Variants in SPATA13 observed in about 807,000 individuals in gnomAD.
SPATA13 encodes the protein spermatogenesis associated 13.
In SPATA13, 50 loss-of-function variants were observed where a neutral mutation model predicts 104.0. That is an observed-to-expected ratio of 0.48 (90% CI 0.38 to 0.61). The LOEUF (loss-of-function observed/expected upper bound fraction) is 0.61, where lower values mean the gene tolerates loss of function less well. Among genes scored for constraint, SPATA13 ranks in the 20% least tolerant of loss-of-function variants. The probability of loss-of-function intolerance (pLI) is 0.00; values close to 1 mark genes in which losing one functional copy is unlikely to be tolerated. For missense variants in SPATA13, 1,524 were observed against 1,690.6 expected (o/e 0.90, Z 1.73); for synonymous variants, 606 against 667.5 (o/e 0.91, Z 1.42).
rs180909605 is a variant in SPATA13, at chr13:24,161,805, C to G, written c.-112+873C>G. On this transcript the variant is annotated intron_variant, in intron 1 of 12. Coordinates refer to ENST00000382108, the MANE Select transcript of SPATA13 (RefSeq NM_001166271.3). The surrounding 1 kb of genome is among the most constrained non-coding windows in gnomAD (Gnocchi z 4.5). ...TGTGAATTTATTCAGCTCTTGTTCC[C>G]ATGGCTTCCCATAGCCTTATATTAT... Among the ~76,000 whole-genome samples, 100 of 152,332 alleles carry G rather than the reference C, an allele frequency of 6.6e-4. No homozygotes were observed. Among genetic ancestry groups the G allele is most frequent in the African/African-American group, 2.4e-3 (99 of 41,570 alleles).
chr13:24,121,778 C>T (rs1881037453), intron 3 of SPATA13, among the ~76,000 whole-genome samples: 1 of 152,162 alleles, frequency 6.6e-6, no homozygotes, highest in Admixed American at 6.5e-5. Flanking sequence ...TTTCAGATTT[C>T]CACAGTGTCA....
chr13:24,026,985 CA>C (rs1877250098), intron 3 of SPATA13, among the ~76,000 whole-genome samples: 1 of 151,996 alleles, frequency 6.6e-6, no homozygotes, highest in African/African-American at 2.4e-5. Flanking sequence ...CTTTATAAGT[CA>C]ATTTTCTATT....
chr13:24,196,653 TG>T (rs1870073718), intron 1 of SPATA13, among the ~76,000 whole-genome samples: 1 of 152,190 alleles, frequency 6.6e-6, no homozygotes, highest in Non-Finnish European at 1.5e-5. Context: ...GGAGGATCAC[TG>T]GAGCCCAAAA....
At chr13:24,004,524 G>A (rs1445949418) in intron 2 of SPATA13, among the ~76,000 whole-genome samples, 3 of 152,116 alleles carry the variant, frequency 2.0e-5, no homozygotes, top group Admixed American at 6.5e-5. Context: ...GGGCGCAGAC[G>A]GGACTCAGGG....
At chr13:24,007,396 G>A (rs1443230685) in intron 2 of SPATA13, among the ~76,000 whole-genome samples, 1 of 152,152 alleles carries the variant, frequency 6.6e-6, no homozygotes, top group African/African-American at 2.4e-5. Flanking sequence ...TGACTGCTGG[G>A]TTCAAAATCC....
At chr13:24,110,674 AC>A (rs1336271949) in intron 3 of SPATA13, among the ~76,000 whole-genome samples, 5 of 152,224 alleles carry the variant, frequency 3.3e-5, no homozygotes, top group Non-Finnish European at 7.3e-5. Context: ...CAGAAAGGAA[AC>A]AAACATGCCC....
At chr13:24,058,717 A>G (rs565625913) in intron 3 of SPATA13, among the ~76,000 whole-genome samples, 23 of 151,978 alleles carry the variant, frequency 1.5e-4, no homozygotes, top group East Asian at 3.9e-4. Context: ...ATCGCTAACT[A>G]TTGGAGGCAT....
intron 3 of SPATA13, among the ~76,000 whole-genome samples, chr13:24,072,614 TGATTTCATTGAATCTGCCTTCTG>T (rs1879202958): frequency 6.6e-6 from 1 of 152,158 alleles, no homozygotes; most frequent in South Asian, 2.1e-4. Context: ...TCCATTCCCA[TGATTTCATTGAATCTGCCTTCTG>T]GATTTCATTG....
intron 3 of SPATA13, among the ~76,000 whole-genome samples, chr13:24,113,686 A>G (rs1405613459): frequency 2.0e-5 from 3 of 151,938 alleles, no homozygotes; most frequent in Non-Finnish European, 2.9e-5. Context: ...CCTGGCCAAC[A>G]TGGTGAAACC....
rs961923841 is a variant in SPATA13, at chr13:24,055,364, A to G, written c.-112+37663A>G. Among the ~76,000 whole-genome samples the G allele has an allele frequency of 2.0e-5, 3 of 152,306 alleles. No homozygotes were observed. The South Asian group carries it at 6.2e-4, about 32-fold the overall frequency. ...TCAGCATGCCTGGGTTCAAATCTCG[A>G]CCTTGTCCTTTTCTATCTGTGTTTT... is the stretch of plus-strand genomic sequence containing the variant. On this transcript the variant is annotated intron_variant, in intron 3 of 14. Transcript: ENST00000424834.
At chr13:24,108,192 G>A (rs974172211) in intron 3 of SPATA13, among the ~76,000 whole-genome samples, 1 of 152,222 alleles carries the variant, frequency 6.6e-6, no homozygotes, top group African/African-American at 2.4e-5. Context: ...TAATCCATGA[G>A]AGCTCCACCC....
rs1045696074 is a variant in SPATA13, at chr13:24,139,455, C to T, written c.-111-83364C>T. 2.6e-5 allele frequency among the ~76,000 whole-genome samples: 4 copies of T among 151,992 alleles called. No individual in the cohort carries two copies. The South Asian group carries it at 8.3e-4, about 31-fold the overall frequency. On this transcript the variant is annotated intron_variant, in intron 3 of 14. Transcript: ENST00000424834. ...AGAAGCAAAAACCCACACCAATTCTCCTCTGGGATTGTATCACTGGCAGGT... is the reference window on the plus strand; with the variant it reads ...AGAAGCAAAAACCCACACCAATTCTTCTCTGGGATTGTATCACTGGCAGGT...
At chr13:24,175,453 C>T (rs764560927) in intron 1 of SPATA13, among the ~76,000 whole-genome samples, 2 of 152,186 alleles carry the variant, frequency 1.3e-5, no homozygotes, top group Admixed American at 6.5e-5. Flanking sequence ...GCCATTTCAT[C>T]GCACCATTGT....
intron 2 of SPATA13, among the ~76,000 whole-genome samples, chr13:24,231,671 G>A (rs1872281598): frequency 6.6e-6 from 1 of 152,224 alleles, no homozygotes; most frequent in South Asian, 2.1e-4. Flanking sequence ...TATTCGAGGA[G>A]CTGCCAAGCT....
At chr13:24,199,703 G>T (rs1407700315) in intron 1 of SPATA13, among the ~76,000 whole-genome samples, 1 of 152,182 alleles carries the variant, frequency 6.6e-6, no homozygotes, top group African/African-American at 2.4e-5. Flanking sequence ...TGTTTGCCTA[G>T]ACCTGCGGCA....
At chr13:24,131,874 G>A (rs1881397915) in intron 3 of SPATA13, among the ~76,000 whole-genome samples, 1 of 152,190 alleles carries the variant, frequency 6.6e-6, no homozygotes, top group Non-Finnish European at 1.5e-5. Context: ...TAGAGAGGTA[G>A]GCAGCTGTGG....
rs967290876 is a variant in SPATA13 at position 24,306,809 on chromosome 13, A to G, written c.*4036A>G. 1.3e-5 allele frequency: 2 copies of G among 152,154 alleles called. No homozygotes were observed. Among genetic ancestry groups the G allele is most frequent in the Admixed American group, 6.5e-5 (1 of 15,272 alleles). 9.4% of individuals were successfully genotyped at this position (152,154 alleles called of 1,614,324 possible). On this transcript the variant is annotated 3_prime_UTR_variant, in exon 13 of 13. Transcript: ENST00000382108. ...TCCATTCTGTATGACTCGCTAACCT[A>G]CTTTGCAAGGCTTTGGGCAACATTT...
intron 4 of SPATA13, among the ~76,000 whole-genome samples, chr13:24,280,819 C>T (rs1875448343): frequency 6.6e-6 from 1 of 152,118 alleles, no homozygotes; most frequent in South Asian, 2.1e-4. Flanking sequence ...CCAACCCACC[C>T]CCAAACTCAC....
chr13:24,259,406 G>A (rs1394593929), intron 4 of SPATA13, among the ~76,000 whole-genome samples: 1 of 152,230 alleles, frequency 6.6e-6, no homozygotes, highest in African/African-American at 2.4e-5. Flanking sequence ...GCACAGGATT[G>A]AGGCTGGTCT....
Sources: allele counts gnomAD v4.1 joint callset (sites outside exome capture counted in the v4.1 genomes callset), GRCh38; gene constraint gnomAD v4.1.1; non-coding constraint Gnocchi (gnomAD v3.1); transcripts MANE v1.5; gene names NCBI Gene and HGNC (gene_info 2026-07-23, HGNC 2026-07-21).